Variants in FOXP1 observed in about 807,000 individuals in gnomAD.
FOXP1 encodes forkhead box P1.
In FOXP1, 15 loss-of-function variants were observed where a neutral mutation model predicts 98.2. The ratio of observed to expected loss-of-function variants is 0.15; its 90% CI spans 0.10 to 0.24. The LOEUF is 0.24. FOXP1 is among the 10% of genes least tolerant of loss of function. The pLI is 1.00. For synonymous variants in FOXP1, 371 were observed against 314.5 expected, an observed-to-expected ratio of 1.18 and a Z score of -1.90; for missense variants, 633 against 848.5, an observed-to-expected ratio of 0.75 and a Z score of 3.15.
In FOXP1 at chr3:71,322,006, G is replaced by A. The variant is rs376317622; in HGVS notation, c.-72-22126C>T. Among the ~76,000 whole-genome samples the A allele has an allele frequency of 1.3e-4, 20 of 152,338 alleles. No homozygotes were observed. The East Asian group carries it at 3.9e-3, about 29-fold the overall frequency. ...TTCTTCATCGGGAAAATGGGGTAAT[G>A]AGATCTGTGTGTCAGATGTGAGAAT... is the stretch of plus-strand genomic sequence containing the variant. On this transcript the variant is annotated intron_variant, in intron 4 of 20. Coordinates refer to ENST00000649528, the MANE Select transcript of FOXP1 (RefSeq NM_001349338.3).
chr3:71,329,489 G>A (rs2076161320), intron 4 of FOXP1, among the ~76,000 whole-genome samples: 1 of 151,540 alleles, frequency 6.6e-6, no homozygotes, highest in Non-Finnish European at 1.5e-5. Flanking sequence ...AAAGTGCTGG[G>A]ATTACAGGCA....
chr3:71,217,158 C>T (rs150674809), intron 5 of FOXP1, among the ~76,000 whole-genome samples: 1,556 of 152,234 alleles, frequency 0.01, 26 homozygotes, highest in African/African-American at 0.035. Context: ...CTGCAACCTC[C>T]GCCTCCCAGG....
At chr3:71,421,056 G>A (rs972595551) in intron 3 of FOXP1, among the ~76,000 whole-genome samples, 4 of 152,104 alleles carry the variant, frequency 2.6e-5, no homozygotes, top group Admixed American at 6.5e-5. Flanking sequence ...CTAGGATAGC[G>A]TTGAGATGAG....
intron 5 of FOXP1, among the ~76,000 whole-genome samples, chr3:71,245,767 T>TGATA (rs1249249812): frequency 2.0e-5 from 3 of 152,134 alleles, no homozygotes; most frequent in Admixed American, 2.0e-4. Flanking sequence ...TACTTTTACA[T>TGATA]GATAAAGCTC....
chr3:71,411,100 CTT>C (rs1260789344), intron 3 of FOXP1, among the ~76,000 whole-genome samples: 2 of 152,166 alleles, frequency 1.3e-5, no homozygotes, highest in African/African-American at 4.8e-5. Context: ...TATAAAATAA[CTT>C]TTAAATTCCC....
chr3:71,227,817 G>A (rs917716516), intron 5 of FOXP1, among the ~76,000 whole-genome samples: 24 of 151,796 alleles, frequency 1.6e-4, no homozygotes, highest in African/African-American at 4.4e-4. Flanking sequence ...GCTATTCATC[G>A]GCAAGATTTT....
chr3:71,321,573 A>G (rs543621095), intron 4 of FOXP1, among the ~76,000 whole-genome samples: 1 of 152,218 alleles, frequency 6.6e-6, no homozygotes, highest in South Asian at 2.1e-4. Context: ...CGTGCTCACA[A>G]TGTAATTAAA....
chr3:71,269,744 T>A (rs2070144368), intron 5 of FOXP1, among the ~76,000 whole-genome samples: 1 of 152,204 alleles, frequency 6.6e-6, no homozygotes, highest in Admixed American at 6.5e-5. Flanking sequence ...ACTTGATAAT[T>A]TGATATTTTG....
intron 5 of FOXP1, among the ~76,000 whole-genome samples, chr3:71,228,016 C>T (rs954829217): frequency 1.9e-5 from 1 of 53,962 alleles, no homozygotes; most frequent in Admixed American, 2.5e-4. Flanking sequence ...CATGGTGGGG[C>T]GGGTGGGGGG....
intron 3 of FOXP1, among the ~76,000 whole-genome samples, chr3:71,480,120 C>T (rs776783146): frequency 3.3e-5 from 5 of 152,162 alleles, no homozygotes; most frequent in Admixed American, 1.3e-4. Context: ...TGGTTGACCC[C>T]GGGAGGCAGA....
At chr3:71,212,064 T>C (rs1209609402) in intron 5 of FOXP1, among the ~76,000 whole-genome samples, 1 of 152,208 alleles carries the variant, frequency 6.6e-6, no homozygotes, top group Non-Finnish European at 1.5e-5. Flanking sequence ...AACCATGTTC[T>C]TTCTTTGTTA....
chr3:71,200,083 CAAAAA>C (rs61281811), intron 5 of FOXP1, among the ~76,000 whole-genome samples: 78 of 76,108 alleles, frequency 1.0e-3, no homozygotes, highest in African/African-American at 3.5e-3. Flanking sequence ...CTCCATCTCA[CAAAAA>C]AAAAAAAAAA....
intron 11 of FOXP1, among the ~76,000 whole-genome samples, chr3:71,032,037 G>A (rs1333952987): frequency 6.6e-6 from 1 of 152,248 alleles, no homozygotes; most frequent in Non-Finnish European, 1.5e-5. Context: ...ATGTGAGTGT[G>A]TGTGCGTCAT....
In FOXP1 at chr3:71,033,882, T is replaced by G. The variant is rs182609153; in HGVS notation, c.869+7446A>C. On this transcript the variant is annotated intron_variant, in intron 11 of 20. Coordinates refer to ENST00000649528, the MANE Select transcript of FOXP1 (RefSeq NM_001349338.3). ...ACAAAATGCTGATTCGCCCCCAGGG[T>G]GCTTCTGTCTGACCTCAGCAGGAAC... Among the ~76,000 whole-genome samples the G allele has an allele frequency of 4.8e-3, 738 of 152,232 alleles. 6 individuals are homozygous for G. The highest frequency in any genetic ancestry group is 5.5e-3 in the Non-Finnish European group (374 of 68,008).
chr3:71,186,584 G>A (rs1411702845), intron 6 of FOXP1, among the ~76,000 whole-genome samples: 2 of 152,160 alleles, frequency 1.3e-5, no homozygotes, highest in Non-Finnish European at 2.9e-5. Flanking sequence ...GGTGGCGCAA[G>A]CCTGTAGTCC....
chr3:71,011,674 G>A (rs992178921), intron 12 of FOXP1, among the ~76,000 whole-genome samples: 2 of 151,984 alleles, frequency 1.3e-5, no homozygotes, highest in East Asian at 1.9e-4. Flanking sequence ...AACAAAAGTC[G>A]TCTTACAAAT....
chr3:71,515,817 T>C (rs769158609), intron 2 of FOXP1, among the ~76,000 whole-genome samples: 15 of 152,142 alleles, frequency 9.9e-5, no homozygotes, highest in Non-Finnish European at 2.1e-4. Context: ...AAGAGATTAC[T>C]AAGGAAAGTT....
chr3:71,491,033 T>G (rs1181203546), intron 3 of FOXP1, among the ~76,000 whole-genome samples: 1 of 152,224 alleles, frequency 6.6e-6, no homozygotes, highest in African/African-American at 2.4e-5. Context: ...ATTATTATTT[T>G]GAGACGGAGT....
chr3:71,277,262 T>C (rs967898018), intron 5 of FOXP1, among the ~76,000 whole-genome samples: 1 of 75,740 alleles, frequency 1.3e-5, no homozygotes, highest in African/African-American at 4.2e-5. Flanking sequence ...CTGGCTGAAC[T>C]TTTTTTTTTT....
Sources: gnomAD v4.1 joint callset for allele counts (sites outside exome capture counted in the v4.1 genomes callset) on GRCh38, gnomAD v4.1.1 for gene constraint, MANE v1.5 for transcripts, NCBI Gene and HGNC (gene_info 2026-07-23, HGNC 2026-07-21) for gene names.